EBF1: variants seen among roughly 807,000 people sequenced by gnomAD.
The protein encoded by EBF1 is transcription factor COE1.
In EBF1, 10 loss-of-function variants were observed where a neutral mutation model predicts 68.4. The ratio of observed to expected loss-of-function variants is 0.15; its 90% CI spans 0.09 to 0.25. The LOEUF is 0.25. Among genes scored for constraint, EBF1 ranks in the 10% least tolerant of loss-of-function variants. The pLI is 1.00. For missense variants in EBF1, 509 were observed against 794.4 expected (o/e 0.64, Z 4.32); for synonymous variants, 298 against 299.8 (o/e 0.99, Z 0.06).
At chr5:158,716,030 A>T (rs1055771537) in intron 11 of EBF1, among the ~76,000 whole-genome samples, 1 of 152,192 alleles carries the variant, frequency 6.6e-6, no homozygotes, top group African/African-American at 2.4e-5. Context: ...CAAAAGCGTG[A>T]TGAGGCACAG....
At chr5:158,784,671 T>C (rs544231353) in intron 9 of EBF1, among the ~76,000 whole-genome samples, 186 of 152,168 alleles carry the variant, frequency 1.2e-3, no homozygotes, top group Non-Finnish European at 2.2e-3. Flanking sequence ...TATTTTAACC[T>C]TAATCACCTT....
At chr5:158,779,832 G>A (rs1422034012) in intron 9 of EBF1, among the ~76,000 whole-genome samples, 1 of 152,112 alleles carries the variant, frequency 6.6e-6, no homozygotes, top group Non-Finnish European at 1.5e-5. Context: ...TAAAACTACA[G>A]ACTGAGAGTG....
chr5:158,963,165 A>G (rs1753383885), intron 6 of EBF1, among the ~76,000 whole-genome samples: 1 of 152,202 alleles, frequency 6.6e-6, no homozygotes, highest in African/African-American at 2.4e-5. Context: ...ATATTCACTA[A>G]AGAATACTAT....
At chr5:158,939,112 A>C (rs1274534608) in intron 6 of EBF1, among the ~76,000 whole-genome samples, 1 of 152,244 alleles carries the variant, frequency 6.6e-6, no homozygotes, top group African/African-American at 2.4e-5. Context: ...AATCAAGAGG[A>C]GCAGCACATT....
chr5:158,754,293 T>A (rs960751312), intron 10 of EBF1, among the ~76,000 whole-genome samples: 1 of 152,102 alleles, frequency 6.6e-6, no homozygotes, highest in Non-Finnish European at 1.5e-5. Context: ...AATAAATCTT[T>A]GGTGTTGGTG....
intron 6 of EBF1, chr5:158,983,801 C>G (rs552157795): frequency 6.6e-6 from 1 of 151,956 alleles, no homozygotes; most frequent in East Asian, 1.9e-4. Context: ...CAACCAAAAT[C>G]TAGAATAGAT....
At chr5:158,905,688 T>C (rs147135051) in intron 6 of EBF1, among the ~76,000 whole-genome samples, 19 of 152,338 alleles carry the variant, frequency 1.2e-4, no homozygotes, top group African/African-American at 4.3e-4. Flanking sequence ...CTGCTTTTAT[T>C]AAACTACCAT....
At chr5:158,714,327 T>A in intron 11 of EBF1, 145 bp from the exon 12 acceptor site, 3 of 804,630 alleles carry the variant, frequency 3.7e-6, no homozygotes, top group Non-Finnish European at 6.3e-6. Flanking sequence ...AGAAGGGTGT[T>A]AAATCACCAA....
At chr5:158,929,166 A>T (rs1810323483) in intron 6 of EBF1, among the ~76,000 whole-genome samples, 1 of 152,178 alleles carries the variant, frequency 6.6e-6, no homozygotes, top group African/African-American at 2.4e-5. Context: ...AGAAAAATCA[A>T]AGTATGGCAG....
chr5:158,883,678 A>G (rs1467648817), intron 6 of EBF1, among the ~76,000 whole-genome samples: 1 of 152,124 alleles, frequency 6.6e-6, no homozygotes, highest in Non-Finnish European at 1.5e-5. Flanking sequence ...CAAGTAGGGA[A>G]GTTAAGGCTT....
intron 6 of EBF1, among the ~76,000 whole-genome samples, chr5:159,055,703 C>T (rs1209476269): frequency 6.6e-6 from 1 of 152,078 alleles, no homozygotes; most frequent in African/African-American, 2.4e-5. Context: ...GAGGTGGGAC[C>T]TTACCCTGGG....
intron 5 of EBF1, among the ~76,000 whole-genome samples, chr5:159,076,869 T>C (rs2127956543): frequency 6.6e-6 from 1 of 152,252 alleles, no homozygotes; most frequent in Non-Finnish European, 1.5e-5. Flanking sequence ...TATGGATGTG[T>C]GTGTACACAT....
At chr5:159,035,800 T>C (rs1272171845) in intron 6 of EBF1, among the ~76,000 whole-genome samples, 4 of 152,230 alleles carry the variant, frequency 2.6e-5, no homozygotes, top group Non-Finnish European at 4.4e-5. Flanking sequence ...AGAATTTGCC[T>C]TCCAAATTAT....
chr5:158,735,321 ATTAAT>A (rs1036374894), intron 10 of EBF1, among the ~76,000 whole-genome samples: 4 of 152,276 alleles, frequency 2.6e-5, no homozygotes, highest in African/African-American at 4.8e-5. Context: ...ATGGGGATAC[ATTAAT>A]TTAAAGAACA....
rs1456870101 is a variant in EBF1 at position 158,697,622 on chromosome 5, G to T, written c.*1489C>A. ...AACAAAAAGCCTTTTAATTAACTTT[G>T]CAAGTATGTGCAAGCTAAAGGTAGT... On this transcript the variant is annotated 3_prime_UTR_variant, in exon 16 of 16. Coordinates refer to ENST00000313708, the MANE Select transcript of EBF1 (RefSeq NM_024007.5). 4.9e-6 allele frequency: 1 copy of T among 203,274 alleles called. No individual in the cohort carries two copies. The highest frequency in any genetic ancestry group is 6.0e-5 in the Admixed American group (1 of 16,724). The allele number at this position is 203,274 out of a possible 1,614,324, so 12.6% of individuals were successfully genotyped here.
chr5:159,099,396 C>G lies in EBF1; in HGVS notation c.83G>C (p.Arg28Pro). Reference sequence around the variant, plus strand: ...CACCCCGGCGCCCTGCATCCACGTCCGCACCGCGTTCATGCCGCTGCCCAG... The same window carrying G: ...CACCCCGGCGCCCTGCATCCACGTCGGCACCGCGTTCATGCCGCTGCCCAG... ...EPLGSGMNAVRTWMQGAGVLD... is the reference protein window; with the variant it reads ...EPLGSGMNAVPTWMQGAGVLD... Residue 28 changes from arginine (R) to proline (P), a missense_variant, in exon 1 of 16, where the codon CGG becomes CCG. By Grantham distance (103) the Arg-to-Pro change is moderately radical. Coordinates refer to ENST00000313708, the MANE Select transcript of EBF1 (RefSeq NM_024007.5). 6.2e-7 allele frequency: 1 copy of G among 1,602,012 alleles called. No homozygotes were observed. The highest frequency in any genetic ancestry group is 8.5e-7 in the Non-Finnish European group (1 of 1,174,376).
chr5:158,835,045 A>G (rs1788441751), intron 7 of EBF1, among the ~76,000 whole-genome samples: 1 of 152,226 alleles, frequency 6.6e-6, no homozygotes, highest in South Asian at 2.1e-4. Flanking sequence ...GGCAACAGAG[A>G]CATAAAAATA....
chr5:158,914,470 T>C (rs1200552147), intron 6 of EBF1, among the ~76,000 whole-genome samples: 1 of 152,218 alleles, frequency 6.6e-6, no homozygotes, highest in Non-Finnish European at 1.5e-5. Flanking sequence ...GGCCCCTTGC[T>C]GTTCCACATG....
intron 6 of EBF1, among the ~76,000 whole-genome samples, chr5:158,972,261 G>A (rs1755800511): frequency 6.6e-6 from 1 of 152,046 alleles, no homozygotes; most frequent in Non-Finnish European, 1.5e-5. Flanking sequence ...CTGTCACTCA[G>A]CCCTCAGCTG....
Sources: allele counts gnomAD v4.1 joint callset (sites outside exome capture counted in the v4.1 genomes callset), GRCh38; gene constraint gnomAD v4.1.1; transcripts MANE v1.5; gene names NCBI Gene and HGNC (gene_info 2026-07-23, HGNC 2026-07-21).